Variants in DGKB observed in about 807,000 individuals in gnomAD.
The protein encoded by DGKB is diacylglycerol kinase beta, also known as 90 kDa diacylglycerol kinase.
In DGKB, 67 loss-of-function variants were observed where a neutral mutation model predicts 114.3. That is an observed-to-expected ratio of 0.59 (90% CI 0.48 to 0.72). The LOEUF (loss-of-function observed/expected upper bound fraction) is 0.72. Ranked by LOEUF, DGKB falls within the 30% of genes least tolerant of loss-of-function variation. The pLI is 0.00. For missense variants in DGKB, 907 were observed against 975.2 expected, an observed-to-expected ratio of 0.93 and a Z score of 0.93; for synonymous variants, 398 against 323.1, an observed-to-expected ratio of 1.23 and a Z score of -2.49.
Position 14,800,675 on chromosome 7 carries a change from G to A in DGKB, c.70+40519C>T, listed in dbSNP as rs138957303. On this transcript the variant is annotated intron_variant, in intron 2 of 25. Transcript: ENST00000402815. ...GCTTGTCTAGAGGTTTGGTTCTAGA[G>A]GGAGAAATGCTTCTATCAGGAGACC... 4.1e-3 allele frequency among the ~76,000 whole-genome samples: 623 copies of A among 152,270 alleles called. 6 individuals carry two copies. Among genetic ancestry groups the A allele is most frequent in the Middle Eastern group, 0.014 (4 of 294 alleles).
chr7:14,447,411 C>T (rs915125760), intron 21 of DGKB, among the ~76,000 whole-genome samples: 10 of 152,184 alleles, frequency 6.6e-5, no homozygotes, highest in African/African-American at 2.4e-4. Flanking sequence ...GCAACAATAG[C>T]TTCCACATGT....
chr7:14,925,538 G>A (rs36858), intron 1 of DGKB, among the ~76,000 whole-genome samples: 1 of 151,870 alleles, frequency 6.6e-6, no homozygotes, highest in African/African-American at 2.4e-5. Flanking sequence ...TCATGAATAT[G>A]GTATGTCTTA....
At chr7:14,693,166 C>G (rs1045722998) in intron 9 of DGKB, among the ~76,000 whole-genome samples, 1 of 152,048 alleles carries the variant, frequency 6.6e-6, no homozygotes, top group Non-Finnish European at 1.5e-5. Context: ...ATACTATGGT[C>G]TTACACCTTA....
intron 23 of DGKB, among the ~76,000 whole-genome samples, chr7:14,333,448 G>C (rs996172203): frequency 7.2e-6 from 1 of 138,956 alleles, no homozygotes; most frequent in East Asian, 2.1e-4. Flanking sequence ...GCAACAGAGT[G>C]AGACTCCGTC....
At chr7:14,319,657 G>T (rs1025531575) in intron 23 of DGKB, among the ~76,000 whole-genome samples, 1 of 152,156 alleles carries the variant, frequency 6.6e-6, no homozygotes, top group Non-Finnish European at 1.5e-5. Flanking sequence ...GGCTAGATGA[G>T]CAATAAATGA....
intron 1 of DGKB, among the ~76,000 whole-genome samples, chr7:14,971,295 G>T (rs907588121): frequency 3.3e-5 from 5 of 152,092 alleles, no homozygotes; most frequent in African/African-American, 1.2e-4. Flanking sequence ...ATTTCGAAGT[G>T]CCCCTGTGTT....
At chr7:14,251,560 G>T (rs1795238051) in intron 23 of DGKB, among the ~76,000 whole-genome samples, 1 of 152,048 alleles carries the variant, frequency 6.6e-6, no homozygotes, top group Non-Finnish European at 1.5e-5. Context: ...ATTAGAGTCT[G>T]CTGAATTTGA....
At chr7:14,527,459 T>C (rs548379343) in intron 20 of DGKB, among the ~76,000 whole-genome samples, 45 of 152,160 alleles carry the variant, frequency 3.0e-4, no homozygotes, top group Admixed American at 1.5e-3. Context: ...AGGAGAAAAA[T>C]AGAATAAACA....
At chr7:14,446,282 T>G (rs1241861261) in intron 21 of DGKB, among the ~76,000 whole-genome samples, 1 of 152,152 alleles carries the variant, frequency 6.6e-6, no homozygotes, top group Non-Finnish European at 1.5e-5. Context: ...AAAGTGGTTC[T>G]TTTCTTGGAT....
chr7:14,666,861 T>C (rs1818119492), intron 13 of DGKB, among the ~76,000 whole-genome samples: 1 of 152,076 alleles, frequency 6.6e-6, no homozygotes, highest in Non-Finnish European at 1.5e-5. Flanking sequence ...TTTTAAGTAA[T>C]ATAGATTTTT....
At chr7:14,499,915 G>A (rs773954972) in intron 20 of DGKB, among the ~76,000 whole-genome samples, 3 of 151,690 alleles carry the variant, frequency 2.0e-5, no homozygotes, top group East Asian at 1.9e-4. Context: ...TCATCCCAGC[G>A]TTTTCTTTTA....
intron 23 of DGKB, among the ~76,000 whole-genome samples, chr7:14,275,604 C>T (rs1422079520): frequency 6.6e-6 from 1 of 152,184 alleles, no homozygotes; most frequent in African/African-American, 2.4e-5. Context: ...AGGGTCTCTG[C>T]TCGCTAGAAA....
chr7:14,159,451 C>T (rs186743715), intron 25 of DGKB, among the ~76,000 whole-genome samples: 94 of 152,246 alleles, frequency 6.2e-4, no homozygotes, highest in African/African-American at 2.2e-3. Context: ...TTCAAAGGAT[C>T]ATGAACTTTC....
intron 21 of DGKB, among the ~76,000 whole-genome samples, chr7:14,424,901 G>A (rs1362019115): frequency 6.6e-6 from 1 of 152,016 alleles, no homozygotes; most frequent in African/African-American, 2.4e-5. Context: ...TATCCTTATT[G>A]CCAATTGCCA....
chr7:14,374,839 C>A lies in DGKB; in HGVS notation c.1836-29448G>T, dbSNP rs560550001. Among the ~76,000 whole-genome samples, 3 of 152,210 alleles carry A rather than the reference C, an allele frequency of 2.0e-5. No homozygotes were observed. In the East Asian group the frequency reaches 5.8e-4, roughly 29 times the overall value. On this transcript the variant is annotated intron_variant, in intron 21 of 25. Coordinates refer to ENST00000402815, the MANE Select transcript of DGKB (RefSeq NM_001350709.2). ...CTCTATCAACTATATGTGATTACTA[C>A]CCCCAACCTTGTCGTGACAATCAAA...
At chr7:14,204,157 A>C (rs1786369064) in intron 23 of DGKB, among the ~76,000 whole-genome samples, 1 of 152,022 alleles carries the variant, frequency 6.6e-6, no homozygotes, top group African/African-American at 2.4e-5. Context: ...GTTTTTCAAC[A>C]TGATTAACAT....
intron 2 of DGKB, among the ~76,000 whole-genome samples, chr7:14,797,495 T>C (rs1841559922): frequency 6.6e-6 from 1 of 152,168 alleles, no homozygotes; most frequent in African/African-American, 2.4e-5. Context: ...AAGCTGTCTT[T>C]CGTGGAATAT....
intron 17 of DGKB, among the ~76,000 whole-genome samples, chr7:14,599,347 A>T (rs1046852178): frequency 6.6e-6 from 1 of 152,218 alleles, no homozygotes; most frequent in African/African-American, 2.4e-5. Context: ...ACTAGCCCTT[A>T]GTAGCTTTCT....
At chr7:14,675,797 G>A (rs768702020) in intron 12 of DGKB, among the ~76,000 whole-genome samples, 14 of 151,892 alleles carry the variant, frequency 9.2e-5, no homozygotes, top group Non-Finnish European at 1.8e-4. Context: ...TAATATGCAG[G>A]AATACCTTAT....
Sources: gnomAD v4.1 joint callset for allele counts (sites outside exome capture counted in the v4.1 genomes callset) on GRCh38, gnomAD v4.1.1 for gene constraint, MANE v1.5 for transcripts, NCBI Gene and HGNC (gene_info 2026-07-23, HGNC 2026-07-21) for gene names.